The following ENG variants were observed in gnomAD, a reference collection of about 807,000 sequenced individuals.
ENG encodes the protein CD105 antigen.
ENG carries 17 observed loss-of-function variants against 71.0 expected under a neutral mutation model. That is an observed-to-expected ratio of 0.24 (90% CI 0.16 to 0.36). The LOEUF is 0.36. ENG is among the 10% of genes least tolerant of loss of function. The pLI, the probability that ENG is intolerant of heterozygous loss-of-function variation, is 1.00. For synonymous variants in ENG, 360 were observed against 366.9 expected (o/e 0.98, Z 0.21); for missense variants, 749 against 868.3 (o/e 0.86, Z 1.73).
chr9:127,847,981 G>T (rs1461820076), intron 1 of ENG, among the ~76,000 whole-genome samples: 1 of 152,170 alleles, frequency 6.6e-6, no homozygotes, highest in Non-Finnish European at 1.5e-5. Context: ...AGATGCCAAA[G>T]GTTCAGGTCC....
intron 3 of ENG, among the ~76,000 whole-genome samples, chr9:127,827,759 G>A (rs947080079): frequency 2.8e-4 from 43 of 152,132 alleles, no homozygotes; most frequent in South Asian, 2.1e-3. Flanking sequence ...GCTCACGCCT[G>A]TAAACCAGCA....
At chr9:127,850,618 C>T (rs112993408) in intron 1 of ENG, among the ~76,000 whole-genome samples, 177 of 152,328 alleles carry the variant, frequency 1.2e-3, no homozygotes, top group African/African-American at 4.1e-3. Context: ...TTTGTGGTCT[C>T]GCTCTTGCGC....
At chr9:127,817,254 AG>A in intron 12 of ENG, 51 bp from the exon 13 acceptor site, 2 of 1,601,814 alleles carry the variant, frequency 1.2e-6, no homozygotes, top group South Asian at 1.1e-5. Flanking sequence ...GGCGGCTTCC[AG>A]GTTTACTCCC....
intron 1 of ENG, among the ~76,000 whole-genome samples, chr9:127,850,134 G>C (rs1831255143): frequency 6.6e-6 from 1 of 152,250 alleles, no homozygotes; most frequent in Admixed American, 6.5e-5. Context: ...CAGGGTCCCA[G>C]AGCCAAGGGT....
In ENG at chr9:127,815,561, C is replaced by CGCGGAGAGCAGGCTCCATTCT; in HGVS notation, c.*100_*120dup. 1 of 1,459,054 alleles carries CGCGGAGAGCAGGCTCCATTCT rather than the reference C, an allele frequency of 6.9e-7. No homozygotes were observed. Among genetic ancestry groups the CGCGGAGAGCAGGCTCCATTCT allele is most frequent in the Non-Finnish European group, 9.0e-7 (1 of 1,106,192 alleles). The allele number at this position is 1,459,054 out of a possible 1,614,324, so 90.4% of individuals were successfully genotyped here. ...CTGAGAGGGAGGCGGGAAGGGTAGG[C>CGCGGAGAGCAGGCTCCATTCT]GCGGAGAGCAGGCTCCATTCTGGGT... On this transcript the variant is annotated 3_prime_UTR_variant, in exon 15 of 15. Transcript: ENST00000373203.
intron 8 of ENG, among the ~76,000 whole-genome samples, chr9:127,823,628 TC>T (rs1296951714): frequency 2.7e-5 from 4 of 150,136 alleles, no homozygotes; most frequent in Admixed American, 2.0e-4. Flanking sequence ...GACCTTGTGA[TC>T]CACCCGCCTC....
chr9:127,826,559 A>C lies in ENG; in HGVS notation c.474T>G (p.Ser158=). Residue 158 remains serine (S), a synonymous_variant, in exon 4 of 15, where the codon TCT becomes TCG. Transcript: ENST00000373203. ...EWAAERGPIT[S]AAELNDPQSI... is the part of the protein sequence containing the mutation. ...TCTGGGGGTCATTCAGCTCAGCAGC[A>C]GAGGTGATGGGGCCCCTCTCAGCTG... 6.2e-7 allele frequency: 1 copy of C among 1,614,160 alleles called. No homozygotes were observed. Among genetic ancestry groups the C allele is most frequent in the East Asian group, 2.2e-5 (1 of 44,884 alleles).
At chr9:127,816,791 G>C in intron 13 of ENG, 1 of 387,926 alleles carries the variant, frequency 2.6e-6, no homozygotes, top group South Asian at 2.4e-5. Context: ...CTCAAGGAAG[G>C]CAAGGCCAGC....
chr9:127,819,030 C>T lies in ENG; in HGVS notation c.1312-198G>A, dbSNP rs554748674. Among the ~76,000 whole-genome samples, 89 of 151,984 alleles carry T rather than the reference C, an allele frequency of 5.9e-4. 1 individual carries two copies. The highest frequency in any genetic ancestry group is 1.9e-3 in the African/African-American group (80 of 41,448). On this transcript the variant is annotated intron_variant, in intron 10 of 14. Transcript: ENST00000373203. ...TCAGCTCACTGCAAGCTCCGCCTCCCGGGTTCATGCCATTCTCCTACCTCA... is the reference window on the plus strand; with the variant it reads ...TCAGCTCACTGCAAGCTCCGCCTCCTGGGTTCATGCCATTCTCCTACCTCA...
Position 127,817,141 on chromosome 9 carries a change from G to T in ENG, c.1741+8C>A. On this transcript the variant is annotated splice_region_variant and intron_variant, in intron 13 of 14. Coordinates refer to ENST00000373203, the MANE Select transcript of ENG (RefSeq NM_001114753.3). ...AGAACAAACCCGAGAGACCTGGAGG[G>T]AGCTCACCAGACAGGTCAGGGCTGA... The T allele has an allele frequency of 6.2e-7, 1 of 1,614,204 alleles. No homozygotes were observed. Among genetic ancestry groups the T allele is most frequent in the Non-Finnish European group, 8.5e-7 (1 of 1,180,032 alleles).
At position 127,817,214 on chromosome 9, in the gene ENG, A is replaced by G. The variant is rs780374754; in HGVS notation, c.1687-11T>C. The G allele has an allele frequency of 3.7e-6, 6 of 1,614,112 alleles. No homozygotes were observed. Among genetic ancestry groups the G allele is most frequent in the East Asian group, 2.2e-5 (1 of 44,884 alleles). On this transcript the variant is annotated splice_polypyrimidine_tract_variant and intron_variant, in intron 12 of 14. Transcript: ENST00000373203. Reference sequence around the variant, plus strand: ...AGTCCTATGGACTTCCTGGAGGAGAAAGAGAGAGCAGTATGTGGCACCTTT... The same window carrying G: ...AGTCCTATGGACTTCCTGGAGGAGAGAGAGAGAGCAGTATGTGGCACCTTT...
At chr9:127,844,136 T>G (rs1269932455) in intron 1 of ENG, among the ~76,000 whole-genome samples, 1 of 150,722 alleles carries the variant, frequency 6.6e-6, no homozygotes, top group Non-Finnish European at 1.5e-5. Context: ...TTTTATTTTA[T>G]TTTTTTGAGA....
In ENG at chr9:127,829,797, C is replaced by G. The variant is rs369456364; in HGVS notation, c.250G>C (p.Ala84Pro). 2.9e-5 allele frequency: 46 copies of G among 1,613,952 alleles called. 1 individual carries two copies. In the African/African-American group the frequency reaches 5.1e-4, roughly 18 times the overall value. The change falls in exon 3 of 15, where the codon GCA (alanine) becomes CCA (proline). Residue 84 changes from alanine to proline, a missense_variant. Physicochemically the swap from Ala to Pro is conservative, Grantham distance 27. Transcript: ENST00000373203. ...GGCCAGGTGCCATTTTGCTTGGATG[C>G]CTGGAGAGTCAGCTCCAGCTGTGAC... is the stretch of plus-strand genomic sequence containing the variant. ...GPSQLELTLQ[A>P]SKQNGTWPRE... is the part of the protein sequence containing the mutation.
intron 8 of ENG, among the ~76,000 whole-genome samples, chr9:127,820,340 C>T (rs899941378): frequency 2.0e-5 from 3 of 151,800 alleles, no homozygotes; most frequent in Admixed American, 6.6e-5. Context: ...ATTACAGGCA[C>T]GTGCCACCAT....
chr9:127,817,172 T>A lies in ENG; in HGVS notation c.1718A>T (p.Asn573Ile), dbSNP rs960259827. 3.1e-6 allele frequency: 5 copies of A among 1,614,032 alleles called. No individual in the cohort carries two copies. Among genetic ancestry groups the A allele is most frequent in the Non-Finnish European group, 3.4e-6 (4 of 1,180,030 alleles). The change falls in exon 13 of 15, where the codon AAC becomes ATC. Residue 573 changes from asparagine to isoleucine, a missense_variant. Asn to Ile is a moderately radical substitution (Grantham distance 149). Transcript: ENST00000373203. ...EVHRTVFMRL[N>I]IISPDLSGCT... Reference sequence around the variant, plus strand: ...ACCAGACAGGTCAGGGCTGATGATGTTCAAGCGCATGAAGACAGTCCTATG... The same window carrying A: ...ACCAGACAGGTCAGGGCTGATGATGATCAAGCGCATGAAGACAGTCCTATG...
intron 2 of ENG, among the ~76,000 whole-genome samples, chr9:127,834,686 T>C (rs557746073): frequency 8.0e-5 from 12 of 149,952 alleles, no homozygotes; most frequent in Non-Finnish European, 1.6e-4. Context: ...TATAAGCGTG[T>C]GCCACCACGC....
chr9:127,818,475 CCT>C, intron 11 of ENG, 98 bp from the exon 12 acceptor site: 5 of 1,565,170 alleles, frequency 3.2e-6, no homozygotes, highest in Non-Finnish European at 4.3e-6. Context: ...AGTTCCCACC[CCT>C]GAGTCCTCAC....
intron 12 of ENG, chr9:127,817,891 C>T: frequency 1.6e-6 from 1 of 616,610 alleles, no homozygotes; most frequent in Non-Finnish European, 2.8e-6. Context: ...GATAGATGGA[C>T]AGTGGCAGCT....
At chr9:127,818,490 T>G in intron 11 of ENG, 113 bp from the exon 12 acceptor site, 1 of 1,551,704 alleles carries the variant, frequency 6.4e-7, no homozygotes, top group South Asian at 1.2e-5. Flanking sequence ...GTCCTCACAG[T>G]GGAAAGAAAG....
Sources: allele counts gnomAD v4.1 joint callset (sites outside exome capture counted in the v4.1 genomes callset), GRCh38; gene constraint gnomAD v4.1.1; transcripts MANE v1.5; gene names NCBI Gene and HGNC (gene_info 2026-07-23, HGNC 2026-07-21).